Variants in AKAP19 observed in about 807,000 individuals in gnomAD.
AKAP19 encodes the protein small A-kinase anchoring protein.
chr2:189,990,866 C>T, the AKAP19 span, among the ~76,000 whole-genome samples: 1 of 152,158 alleles, frequency 6.6e-6, no homozygotes, highest in Non-Finnish European at 1.5e-5. Flanking sequence ...CATCCTTCCA[C>T]CCTTTCTCCT....
At chr2:190,199,185 T>C in the AKAP19 span, among the ~76,000 whole-genome samples, 1 of 152,202 alleles carries the variant, frequency 6.6e-6, no homozygotes, top group Non-Finnish European at 1.5e-5. Flanking sequence ...CTTGTTTTGC[T>C]TGACAGTATA....
At chr2:189,950,034 T>TTTG in the AKAP19 span, among the ~76,000 whole-genome samples, 111 of 142,560 alleles carry the variant, frequency 7.8e-4, 1 homozygote, top group Non-Finnish European at 2.4e-4. Context: ...TTGGGTTTTT[T>TTTG]TTTTTTTTTT....
chr2:190,128,679 G>T, the AKAP19 span, among the ~76,000 whole-genome samples: 1 of 151,960 alleles, frequency 6.6e-6, no homozygotes, highest in African/African-American at 2.4e-5. Flanking sequence ...ATAGATTTTT[G>T]GTTTGTTTAC....
chr2:189,961,920 A>G, the AKAP19 span, among the ~76,000 whole-genome samples: 38 of 152,090 alleles, frequency 2.5e-4, no homozygotes, highest in African/African-American at 8.9e-4. Context: ...TCAAAAAAAA[A>G]AAAAAGTATC....
the AKAP19 span, among the ~76,000 whole-genome samples, chr2:189,890,081 TA>T: frequency 6.6e-6 from 1 of 152,246 alleles, no homozygotes; most frequent in African/African-American, 2.4e-5. Flanking sequence ...AATTTCCCTC[TA>T]AACACTGCTT....
the AKAP19 span, among the ~76,000 whole-genome samples, chr2:190,061,375 G>A: frequency 1.3e-5 from 2 of 151,924 alleles, no homozygotes; most frequent in African/African-American, 2.4e-5. Context: ...ACTGCAAAAG[G>A]AATTGTATGA....
chr2:189,976,379 C>G, the AKAP19 span, among the ~76,000 whole-genome samples: 1 of 152,214 alleles, frequency 6.6e-6, no homozygotes, highest in Non-Finnish European at 1.5e-5. Context: ...AGGTGTTAGT[C>G]TGCCCCTACT....
chr2:190,175,936 A>C, the AKAP19 span, among the ~76,000 whole-genome samples: 48 of 152,324 alleles, frequency 3.2e-4, no homozygotes, highest in African/African-American at 8.7e-4. Context: ...AAACCCCTTT[A>C]AACGAGGCTT....
At chr2:190,130,453 C>T in the AKAP19 span, among the ~76,000 whole-genome samples, 1 of 152,152 alleles carries the variant, frequency 6.6e-6, no homozygotes, top group Non-Finnish European at 1.5e-5. Flanking sequence ...ATACAAGTTT[C>T]TAATTTAGTA....
chr2:190,132,560 A>G, the AKAP19 span, among the ~76,000 whole-genome samples: 1 of 152,232 alleles, frequency 6.6e-6, no homozygotes, highest in African/African-American at 2.4e-5. Flanking sequence ...TAAATAGTGT[A>G]GGGAAAACTG....
At chr2:190,093,009 T>C in the AKAP19 span, among the ~76,000 whole-genome samples, 1 of 152,194 alleles carries the variant, frequency 6.6e-6, no homozygotes, top group Non-Finnish European at 1.5e-5. Flanking sequence ...TAATAATTTA[T>C]ATTCATGAAG....
chr2:190,142,092 G>A, the AKAP19 span, among the ~76,000 whole-genome samples: 1 of 152,150 alleles, frequency 6.6e-6, no homozygotes, highest in African/African-American at 2.4e-5. Context: ...CAGCAGGCTT[G>A]TTTTGTGCAG....
the AKAP19 span, among the ~76,000 whole-genome samples, chr2:190,106,787 A>G: frequency 5.3e-5 from 8 of 152,208 alleles, no homozygotes; most frequent in Non-Finnish European, 1.0e-4. Context: ...CTAAAAAAAA[A>G]TAAGTACTAC....
chr2:190,018,618 T>G, the AKAP19 span, among the ~76,000 whole-genome samples: 1 of 152,232 alleles, frequency 6.6e-6, no homozygotes, highest in Non-Finnish European at 1.5e-5. Context: ...GAACTCTTTA[T>G]CAGTCATTCC....
chr2:190,093,918 T>G, the AKAP19 span, among the ~76,000 whole-genome samples: 1 of 152,212 alleles, frequency 6.6e-6, no homozygotes, highest in African/African-American at 2.4e-5. Flanking sequence ...CCCACTCACC[T>G]CCAACTTGGG....
the AKAP19 span, among the ~76,000 whole-genome samples, chr2:189,883,646 G>C: frequency 1.3e-5 from 2 of 151,528 alleles, no homozygotes; most frequent in Non-Finnish European, 2.9e-5. Flanking sequence ...AGCCGGGAGG[G>C]GTAGACTTCT....
the AKAP19 span, among the ~76,000 whole-genome samples, chr2:190,036,389 C>A: frequency 1.3e-5 from 2 of 151,668 alleles, no homozygotes; most frequent in Admixed American, 1.3e-4. Flanking sequence ...TCTTACAAGA[C>A]TGCAGATCCC....
chr2:190,090,648 G>A, the AKAP19 span, among the ~76,000 whole-genome samples: 1 of 152,192 alleles, frequency 6.6e-6, no homozygotes, highest in African/African-American at 2.4e-5. Flanking sequence ...CCTAGCCTGT[G>A]TAAGGTTTGT....
the AKAP19 span, among the ~76,000 whole-genome samples, chr2:190,163,429 G>A: frequency 8.2e-5 from 12 of 146,778 alleles, no homozygotes; most frequent in South Asian, 2.2e-4. Flanking sequence ...GCGAGACTCC[G>A]TCTCAAAAAA....
Sources: allele counts gnomAD v4.1 joint callset (sites outside exome capture counted in the v4.1 genomes callset), GRCh38; gene constraint gnomAD v4.1.1; transcripts MANE v1.5; gene names NCBI Gene and HGNC (gene_info 2026-07-23, HGNC 2026-07-21).